The following PSTPIP2 variants were observed in gnomAD, a reference collection of about 807,000 sequenced individuals.
PSTPIP2 encodes proline-serine-threonine phosphatase interacting protein 2.
A neutral mutation model predicts 63.3 loss-of-function variants in PSTPIP2; 33 were observed. The ratio of observed to expected loss-of-function variants is 0.52; its 90% CI spans 0.40 to 0.70. The LOEUF is 0.70. Among genes scored for constraint, PSTPIP2 ranks in the 30% least tolerant of loss-of-function variants. The probability of loss-of-function intolerance (pLI) is 0.00; values close to 1 mark genes in which losing one functional copy is unlikely to be tolerated. For synonymous variants in PSTPIP2, 125 were observed against 132.7 expected, an observed-to-expected ratio of 0.94 and a Z score of 0.40; for missense variants, 312 against 400.7, an observed-to-expected ratio of 0.78 and a Z score of 1.89.
intron 1 of PSTPIP2, among the ~76,000 whole-genome samples, chr18:46,065,383 C>T (rs1191663277): frequency 6.6e-6 from 1 of 151,932 alleles, no homozygotes; most frequent in Non-Finnish European, 1.5e-5. Flanking sequence ...ACTCCGCCTC[C>T]TGGGTTCAAA....
intron 5 of PSTPIP2, among the ~76,000 whole-genome samples, chr18:46,009,028 C>G (rs917185286): frequency 3.3e-5 from 5 of 152,082 alleles, no homozygotes; most frequent in East Asian, 1.9e-4. Flanking sequence ...TTCCTCCCCC[C>G]CATCATGTAA....
chr18:46,019,407 AT>A (rs1429419522), intron 3 of PSTPIP2, among the ~76,000 whole-genome samples: 2 of 152,182 alleles, frequency 1.3e-5, no homozygotes, highest in African/African-American at 4.8e-5. Flanking sequence ...TGCGCCAGTT[AT>A]TACAAATACA....
At chr18:46,012,390 T>C (rs1261621990) in intron 4 of PSTPIP2, among the ~76,000 whole-genome samples, 1 of 152,192 alleles carries the variant, frequency 6.6e-6, no homozygotes, top group Non-Finnish European at 1.5e-5. Flanking sequence ...GTCTATGATA[T>C]ATTGTTAAGT....
intron 1 of PSTPIP2, among the ~76,000 whole-genome samples, chr18:46,049,898 A>C (rs1478413184): frequency 1.3e-5 from 2 of 152,190 alleles, no homozygotes; most frequent in Non-Finnish European, 2.9e-5. Context: ...AACAAAAAAA[A>C]AGAACAACCA....
At chr18:46,002,399 T>C (rs1480412377) in intron 6 of PSTPIP2, among the ~76,000 whole-genome samples, 1 of 152,154 alleles carries the variant, frequency 6.6e-6, no homozygotes, top group African/African-American at 2.4e-5. Flanking sequence ...GTGCAAAAAG[T>C]CCCTGAGGCT....
At chr18:45,986,891 G>A (rs972401454) in intron 14 of PSTPIP2, among the ~76,000 whole-genome samples, 2 of 152,204 alleles carry the variant, frequency 1.3e-5, no homozygotes, top group Admixed American at 6.5e-5. Context: ...AGGCTGGAGT[G>A]CAGTGGCGCA....
chr18:45,999,203 C>T (rs1043689856), intron 7 of PSTPIP2, among the ~76,000 whole-genome samples: 1 of 152,158 alleles, frequency 6.6e-6, no homozygotes, highest in African/African-American at 2.4e-5. Flanking sequence ...TGGGAAATCC[C>T]TCCAACCTCT....
intron 4 of PSTPIP2, 85 bp downstream of exon 4, chr18:46,015,818 T>C: frequency 7.0e-7 from 1 of 1,432,874 alleles, no homozygotes; most frequent in Admixed American, 2.1e-5. Context: ...ATGAAACTGC[T>C]GTTCAAATTA....
At position 46,039,970 on chromosome 18, in the gene PSTPIP2, C is replaced by G. The variant is rs199980513; in HGVS notation, c.111G>C (p.Glu37Asp). 3 of 1,613,410 alleles carry G rather than the reference C, an allele frequency of 1.9e-6. No homozygotes were observed. The highest frequency in any genetic ancestry group is 2.7e-5 in the African/African-American group (2 of 74,898). ...HLNNGRKNCK[E>D]FEDFLKERAA... ...ACCTTTCTTTTAGAAAGTCTTCAAACTCTTTGCAGTTCTTGCGGCCATTGT... is the reference window on the plus strand; with the variant it reads ...ACCTTTCTTTTAGAAAGTCTTCAAAGTCTTTGCAGTTCTTGCGGCCATTGT... Residue 37 changes from glutamate to aspartate, a missense_variant, in exon 2 of 15, where the codon GAG (glutamate) becomes GAC (aspartate). Physicochemically the swap from Glu to Asp is conservative, Grantham distance 45. Transcript: ENST00000409746.
chr18:46,062,742 C>T (rs1909035918), intron 1 of PSTPIP2, among the ~76,000 whole-genome samples: 1 of 152,064 alleles, frequency 6.6e-6, no homozygotes, highest in Non-Finnish European at 1.5e-5. Flanking sequence ...GTCTCAATCT[C>T]CTGACCTCGT....
At chr18:46,069,794 C>A (rs1009502782) in intron 1 of PSTPIP2, among the ~76,000 whole-genome samples, 5 of 152,136 alleles carry the variant, frequency 3.3e-5, no homozygotes, top group Non-Finnish European at 5.9e-5. Context: ...CTGGTTGTAT[C>A]CCTTCATCTC....
At chr18:46,040,774 AT>A (rs1360866269) in intron 1 of PSTPIP2, among the ~76,000 whole-genome samples, 1 of 152,136 alleles carries the variant, frequency 6.6e-6, no homozygotes, top group Non-Finnish European at 1.5e-5. Flanking sequence ...GAGTTTTTTA[AT>A]TGATGAGACT....
At chr18:45,998,280 A>T (rs562128559) in intron 8 of PSTPIP2, among the ~76,000 whole-genome samples, 1 of 152,240 alleles carries the variant, frequency 6.6e-6, no homozygotes, top group African/African-American at 2.4e-5. Flanking sequence ...GTCATGAGGG[A>T]TATTTCCTGC....
At chr18:46,028,980 G>A (rs1334412430) in intron 2 of PSTPIP2, 12 of 975,310 alleles carry the variant, frequency 1.2e-5, no homozygotes, top group Middle Eastern at 2.1e-4. Flanking sequence ...CATCTGTGCA[G>A]TTCCGTCCTT....
intron 3 of PSTPIP2, among the ~76,000 whole-genome samples, chr18:46,023,330 A>G (rs1206001683): frequency 1.3e-5 from 2 of 152,028 alleles, no homozygotes; most frequent in Non-Finnish European, 2.9e-5. Context: ...GGAGGCCTAG[A>G]CAGGTGGATC....
At chr18:46,005,682 T>C (rs1309814375) in intron 5 of PSTPIP2, 151 bp from the exon 6 acceptor site, 2 of 672,088 alleles carry the variant, frequency 3.0e-6, no homozygotes, top group Admixed American at 3.3e-5. Context: ...ACCAAACAAT[T>C]TGCCTAAGCT....
rs1160931100 is a variant in PSTPIP2, at chr18:46,048,261, G to C, written c.34-8214C>G. Among the ~76,000 whole-genome samples, 6 of 152,238 alleles carry C rather than the reference G, an allele frequency of 3.9e-5. No individual in the cohort carries two copies. In the East Asian group the frequency reaches 1.2e-3, roughly 29 times the overall value. ...TGGAGGAAGGGCCACAAGGCAGTGA[G>C]TACAGGCAATCTCTAGAATCTGGAA... On this transcript the variant is annotated intron_variant, in intron 1 of 14. Transcript: ENST00000409746.
chr18:46,070,405 G>C (rs1909351557), intron 1 of PSTPIP2, among the ~76,000 whole-genome samples: 1 of 152,234 alleles, frequency 6.6e-6, no homozygotes, highest in African/African-American at 2.4e-5. Flanking sequence ...GCATGGGGCT[G>C]AGGGGTGGAG....
intron 2 of PSTPIP2, among the ~76,000 whole-genome samples, chr18:46,039,371 G>A (rs1244231369): frequency 6.6e-6 from 1 of 152,052 alleles, no homozygotes; most frequent in African/African-American, 2.4e-5. Context: ...CTTTCCCACA[G>A]CTCCTCATCC....
Sources: allele counts gnomAD v4.1 joint callset (sites outside exome capture counted in the v4.1 genomes callset), GRCh38; gene constraint gnomAD v4.1.1; transcripts MANE v1.5; gene names NCBI Gene and HGNC (gene_info 2026-07-23, HGNC 2026-07-21).